The following STXBP6 variants were observed in gnomAD, a reference collection of about 807,000 sequenced individuals.
STXBP6 encodes syntaxin binding protein 6, also known as syntaxin-binding protein 6.
Under a neutral mutation model 26.9 loss-of-function variants are expected in STXBP6, and 21 were observed. That is an observed-to-expected ratio of 0.78 (90% CI 0.55 to 1.12). STXBP6 has a LOEUF of 1.12. Among genes scored for constraint, STXBP6 ranks in the 50% most tolerant of loss-of-function variants. The pLI is 0.00. For synonymous variants in STXBP6, 97 were observed against 92.6 expected (o/e 1.05, Z -0.27); for missense variants, 232 against 257.9 (o/e 0.90, Z 0.69).
intron 2 of STXBP6, among the ~76,000 whole-genome samples, chr14:24,974,010 C>T (rs73595309): frequency 0.049 from 7,486 of 151,814 alleles, 664 homozygotes; most frequent in African/African-American, 0.17. Flanking sequence ...CCAATAACTC[C>T]ATGAAAAATT....
intron 1 of STXBP6, among the ~76,000 whole-genome samples, chr14:25,040,580 TAGTA>T: frequency 6.6e-6 from 1 of 152,144 alleles, no homozygotes; most frequent in Non-Finnish European, 1.5e-5. Context: ...AATGTATAGG[TAGTA>T]TTAAATAAAA....
chr14:24,971,982 G>T (rs762815501), intron 2 of STXBP6, among the ~76,000 whole-genome samples: 1 of 152,138 alleles, frequency 6.6e-6, no homozygotes, highest in Non-Finnish European at 1.5e-5. Context: ...CCTTATCAGG[G>T]ATGTAACTGA....
intron 2 of STXBP6, among the ~76,000 whole-genome samples, chr14:24,934,486 A>C (rs759350490): frequency 6.6e-6 from 1 of 152,192 alleles, no homozygotes; most frequent in Non-Finnish European, 1.5e-5. Flanking sequence ...AAAGAACGTA[A>C]GGACAAAATG....
chr14:24,837,372 G>A (rs187990027), intron 4 of STXBP6, among the ~76,000 whole-genome samples: 22 of 152,256 alleles, frequency 1.4e-4, no homozygotes, highest in African/African-American at 5.3e-4. Flanking sequence ...AAGTTCGGGG[G>A]TAGAATCATA....
At chr14:24,819,307 C>G in intron 4 of STXBP6, 113 bp from the exon 5 acceptor site, 1 of 1,238,978 alleles carries the variant, frequency 8.1e-7, no homozygotes. Context: ...GCAGAAAGGC[C>G]GCTCGTCTAG....
At chr14:24,860,282 AATAACAAAGACCATGTC>A (rs1477483808) in intron 2 of STXBP6, among the ~76,000 whole-genome samples, 1 of 152,208 alleles carries the variant, frequency 6.6e-6, no homozygotes, top group Non-Finnish European at 1.5e-5. Flanking sequence ...TAAGCCAGCC[AATAACAAAGACCATGTC>A]ATAACAAATT....
intron 2 of STXBP6, among the ~76,000 whole-genome samples, chr14:24,944,474 A>G (rs2072911383): frequency 6.6e-6 from 1 of 152,176 alleles, no homozygotes; most frequent in African/African-American, 2.4e-5. Flanking sequence ...GATATGGGAG[A>G]GAGTTTCCTT....
chr14:24,876,317 T>G (rs986004999), intron 2 of STXBP6, among the ~76,000 whole-genome samples: 5 of 152,206 alleles, frequency 3.3e-5, no homozygotes, highest in African/African-American at 1.2e-4. Flanking sequence ...GGATACTCTA[T>G]GCTCAAACTT....
chr14:24,933,274 G>A (rs2072485775), intron 2 of STXBP6, among the ~76,000 whole-genome samples: 1 of 152,128 alleles, frequency 6.6e-6, no homozygotes, highest in Non-Finnish European at 1.5e-5. Context: ...CAAGGGAGGT[G>A]GACAATGCAG....
intron 5 of STXBP6, among the ~76,000 whole-genome samples, 195 bp downstream of exon 5, chr14:24,818,842 A>C (rs2138732671): frequency 6.6e-6 from 1 of 152,352 alleles, no homozygotes; most frequent in South Asian, 2.1e-4. Flanking sequence ...ACATTAGAAA[A>C]GAGCCAAAGA....
intron 1 of STXBP6, among the ~76,000 whole-genome samples, chr14:25,016,252 C>T (rs888526663): frequency 2.6e-5 from 4 of 152,042 alleles, no homozygotes; most frequent in African/African-American, 9.7e-5. Flanking sequence ...ATTTGTTTAG[C>T]CTCATCAGTA....
At chr14:24,859,606 G>T (rs527427465) in intron 2 of STXBP6, among the ~76,000 whole-genome samples, 169 of 152,244 alleles carry the variant, frequency 1.1e-3, no homozygotes, top group African/African-American at 3.9e-3. Context: ...CAGATGTCTA[G>T]TGAAAAACAG....
At chr14:25,021,048 T>C (rs1312658046) in intron 1 of STXBP6, among the ~76,000 whole-genome samples, 1 of 152,102 alleles carries the variant, frequency 6.6e-6, no homozygotes, top group African/African-American at 2.4e-5. Flanking sequence ...CTCTCCTCAA[T>C]GACTAGTTCA....
Position 24,812,554 on chromosome 14 carries a change from C to G in STXBP6, c.*155G>C. On this transcript the variant is annotated 3_prime_UTR_variant, in exon 6 of 6. Transcript: ENST00000323944. ...GAAATGTAAAAATGCAACACCCTTTCTTTCACATTAACATCTGAAAAGAAA... is the reference window on the plus strand; with the variant it reads ...GAAATGTAAAAATGCAACACCCTTTGTTTCACATTAACATCTGAAAAGAAA... 1.5e-6 allele frequency: 1 copy of G among 659,394 alleles called. No individual in the cohort carries two copies. The highest frequency in any genetic ancestry group is 2.6e-6 in the Non-Finnish European group (1 of 382,482). The allele number at this position is 659,394 out of a possible 1,614,324, so 40.8% of individuals were successfully genotyped here. A position where few individuals can be genotyped will look rare whatever the true frequency, so the allele number is the denominator to read the frequency against.
At chr14:24,842,095 G>C (rs1382041808) in intron 4 of STXBP6, among the ~76,000 whole-genome samples, 1 of 152,084 alleles carries the variant, frequency 6.6e-6, no homozygotes, top group Non-Finnish European at 1.5e-5. Context: ...TCTTGTTCTG[G>C]GTAACATGTG....
At chr14:24,839,139 TC>T (rs1256166052) in intron 4 of STXBP6, among the ~76,000 whole-genome samples, 1 of 152,110 alleles carries the variant, frequency 6.6e-6, no homozygotes, top group Non-Finnish European at 1.5e-5. Context: ...GCATTGTCTG[TC>T]CCCGCCTGCC....
At chr14:25,019,768 T>C in intron 1 of STXBP6, among the ~76,000 whole-genome samples, 1 of 152,178 alleles carries the variant, frequency 6.6e-6, no homozygotes. Flanking sequence ...AGATTATAGA[T>C]TTCTGCATAT....
chr14:25,028,244 T>C (rs986249751), intron 1 of STXBP6, among the ~76,000 whole-genome samples: 1 of 152,172 alleles, frequency 6.6e-6, no homozygotes, highest in South Asian at 2.1e-4. Flanking sequence ...AGGACTTCCA[T>C]AGGTACAGAG....
At chr14:24,871,225 C>T (rs954260512) in intron 2 of STXBP6, among the ~76,000 whole-genome samples, 7 of 152,256 alleles carry the variant, frequency 4.6e-5, no homozygotes, top group South Asian at 2.1e-4. Context: ...ATGGCTTCTA[C>T]TTCTATCCCT....
Sources: allele counts gnomAD v4.1 joint callset (sites outside exome capture counted in the v4.1 genomes callset), GRCh38; gene constraint gnomAD v4.1.1; transcripts MANE v1.5; gene names NCBI Gene and HGNC (gene_info 2026-07-23, HGNC 2026-07-21).